Variants in MAN1A1 observed in about 807,000 individuals in gnomAD.
MAN1A1 encodes the protein mannosyl-oligosaccharide 1,2-alpha-mannosidase IA.
Under a neutral mutation model 70.8 loss-of-function variants are expected in MAN1A1, and 29 were observed. That is an observed-to-expected ratio of 0.41 (90% confidence interval 0.31 to 0.56). The LOEUF (loss-of-function observed/expected upper bound fraction) is 0.56. Among genes scored for constraint, MAN1A1 ranks in the 20% least tolerant of loss-of-function variants. The pLI, the probability that MAN1A1 is intolerant of heterozygous loss-of-function variation, is 0.29. For synonymous variants in MAN1A1, 349 were observed against 330.1 expected (o/e 1.06, Z -0.62); for missense variants, 747 against 841.3 (o/e 0.89, Z 1.39).
chr6:119,276,142 A>C (rs556137423), intron 5 of MAN1A1, among the ~76,000 whole-genome samples: 2 of 152,196 alleles, frequency 1.3e-5, no homozygotes, highest in Admixed American at 1.3e-4. Flanking sequence ...TTTCCTCCAA[A>C]TCTTCCATGG....
chr6:119,250,377 T>C (rs781743040), intron 5 of MAN1A1, among the ~76,000 whole-genome samples: 6 of 152,258 alleles, frequency 3.9e-5, no homozygotes, highest in Non-Finnish European at 8.8e-5. Context: ...TTCTCCAAAC[T>C]GGGCAATCTT....
chr6:119,225,975 T>C (rs886096512), intron 6 of MAN1A1, among the ~76,000 whole-genome samples: 11 of 152,192 alleles, frequency 7.2e-5, no homozygotes, highest in East Asian at 3.8e-4. Flanking sequence ...TGGCAAATTA[T>C]GTAGGTAGAT....
chr6:119,251,994 C>T (rs1254927731), intron 5 of MAN1A1, among the ~76,000 whole-genome samples: 1 of 152,212 alleles, frequency 6.6e-6, no homozygotes, highest in Admixed American at 6.5e-5. Flanking sequence ...AACCACCCCA[C>T]ACAAAGTTGG....
At chr6:119,256,620 G>A (rs552112492) in intron 5 of MAN1A1, among the ~76,000 whole-genome samples, 19 of 152,198 alleles carry the variant, frequency 1.2e-4, no homozygotes, top group East Asian at 1.9e-4. Context: ...GAGCATCAGC[G>A]TGGTCAAGGC....
chr6:119,241,158 A>G (rs999110355), intron 6 of MAN1A1, among the ~76,000 whole-genome samples: 3 of 152,258 alleles, frequency 2.0e-5, no homozygotes, highest in African/African-American at 7.2e-5. Flanking sequence ...GGATTAAAAA[A>G]AAAGTACAAG....
intron 2 of MAN1A1, among the ~76,000 whole-genome samples, chr6:119,325,572 G>A (rs759713939): frequency 4.6e-5 from 7 of 152,076 alleles, no homozygotes; most frequent in East Asian, 3.9e-4. Flanking sequence ...CAGGAGAATC[G>A]CTTGAACCCA....
chr6:119,255,034 T>C (rs567713171), intron 5 of MAN1A1, among the ~76,000 whole-genome samples: 1 of 152,368 alleles, frequency 6.6e-6, no homozygotes, highest in Admixed American at 6.5e-5. Flanking sequence ...TTTATCTTTT[T>C]ACTTTACCCT....
chr6:119,185,669 T>G (rs1460019781), intron 11 of MAN1A1, among the ~76,000 whole-genome samples: 1 of 151,914 alleles, frequency 6.6e-6, no homozygotes, highest in Non-Finnish European at 1.5e-5. Context: ...CTCCGCCTCC[T>G]GGGTTCATGC....
intron 11 of MAN1A1, among the ~76,000 whole-genome samples, chr6:119,183,310 G>A (rs991904703): frequency 1.3e-5 from 2 of 152,168 alleles, no homozygotes; most frequent in African/African-American, 4.8e-5. Flanking sequence ...CTTAAAAACA[G>A]ATGCTTCGAT....
chr6:119,227,672 T>C (rs562232781), intron 6 of MAN1A1, among the ~76,000 whole-genome samples: 16 of 152,274 alleles, frequency 1.1e-4, no homozygotes, highest in African/African-American at 3.8e-4. Flanking sequence ...TGTCACTACA[T>C]AGCCCAGGAT....
chr6:119,189,742 G>A lies in MAN1A1; in HGVS notation c.1468C>T (p.Pro490Ser), dbSNP rs758374480. ...AGGTAGTGTTGGGCCATGCCTTCGG[G>A]AGCTGCATCAGCCCCGAGTGCGAAC... is the stretch of plus-strand genomic sequence containing the variant. ...GMFALGADAA[P>S]EGMAQHYLEL... Residue 490 changes from proline (P) to serine (S), a missense_variant, in exon 10 of 13, where the codon CCC becomes TCC. Physicochemically the swap from Pro to Ser is moderately conservative, Grantham distance 74. Around this residue, in one of 2 missense-constraint regions of MAN1A1, gnomAD observed 419 missense variants for 548.2 expected, o/e 0.76. Transcript: ENST00000368468. The A allele has an allele frequency of 1.8e-5, 29 of 1,614,034 alleles. No homozygotes were observed. The highest frequency in any genetic ancestry group is 2.5e-5 in the Non-Finnish European group (29 of 1,180,008).
intron 6 of MAN1A1, among the ~76,000 whole-genome samples, chr6:119,224,247 C>T (rs1368255377): frequency 3.3e-5 from 5 of 152,216 alleles, no homozygotes; most frequent in Non-Finnish European, 7.3e-5. Flanking sequence ...AAAGACTGCA[C>T]TAGACAAGAT....
At chr6:119,196,350 A>T (rs1216717984) in intron 8 of MAN1A1, among the ~76,000 whole-genome samples, 23 of 151,338 alleles carry the variant, frequency 1.5e-4, no homozygotes, top group Non-Finnish European at 1.5e-5. Context: ...AAGACAAAGG[A>T]ACGTAGAAGA....
intron 2 of MAN1A1, among the ~76,000 whole-genome samples, chr6:119,339,897 C>A (rs566080746): frequency 2.0e-5 from 3 of 152,068 alleles, no homozygotes; most frequent in Non-Finnish European, 2.9e-5. Flanking sequence ...TTGAGACTAG[C>A]CTGGCCAATG....
chr6:119,211,621 C>T (rs929574133), intron 6 of MAN1A1, among the ~76,000 whole-genome samples: 15 of 152,136 alleles, frequency 9.9e-5, no homozygotes, highest in Non-Finnish European at 1.5e-5. Context: ...CTTCCTCTTC[C>T]AGGCTGATCC....
At chr6:119,215,054 T>TG (rs1774161848) in intron 6 of MAN1A1, among the ~76,000 whole-genome samples, 1 of 99,524 alleles carries the variant, frequency 1.0e-5, no homozygotes, top group African/African-American at 4.1e-5. Flanking sequence ...TGTTGTGGGG[T>TG]GGGGGGAAGG....
At chr6:119,223,558 T>G (rs746705495) in intron 6 of MAN1A1, among the ~76,000 whole-genome samples, 19 of 152,122 alleles carry the variant, frequency 1.2e-4, no homozygotes, top group Non-Finnish European at 2.4e-4. Flanking sequence ...AATTATAATT[T>G]TATCCCCAAT....
Position 119,204,789 on chromosome 6 carries a change from G to A in MAN1A1, c.1086C>T (p.His362=), listed in dbSNP as rs1430347504. 3 of 1,613,968 alleles carry A rather than the reference G, an allele frequency of 1.9e-6. No homozygotes were observed. The highest frequency in any genetic ancestry group is 3.3e-5 in the Admixed American group (2 of 60,014). Residue 362 remains histidine (H), a synonymous_variant, in exon 7 of 13, where the codon CAC becomes CAT. Transcript: ENST00000368468. ...CAGCAAAGATGGGGTTTCCTGATAAGTGGCTCAAGTGCATAAACTCCAAAT... is the reference window on the plus strand; with the variant it reads ...CAGCAAAGATGGGGTTTCCTGATAAATGGCTCAAGTGCATAAACTCCAAAT... The part of the protein sequence containing the change: ...TLHLEFMHLS[H]LSGNPIFAEK...
chr6:119,299,607 T>TAAAC (rs3032204), intron 4 of MAN1A1, among the ~76,000 whole-genome samples: 56,256 of 151,734 alleles, frequency 0.37, 10,972 homozygotes, highest in Non-Finnish European at 0.41. Flanking sequence ...AAAATTTAAA[T>TAAAC]AAAGAAAACT....
Sources: gnomAD v4.1 joint callset for allele counts (sites outside exome capture counted in the v4.1 genomes callset) on GRCh38, gnomAD v4.1.1 for gene constraint, gnomAD v4.1.1 regional missense constraint, MANE v1.5 for transcripts, NCBI Gene and HGNC (gene_info 2026-07-23, HGNC 2026-07-21) for gene names.